LRTM3: variants seen among roughly 807,000 people sequenced by gnomAD.
LRTM3 encodes leucine rich repeat transmembrane protein 3.
At chr13:102,741,711 G>C in the LRTM3 span, 11 of 1,550,310 alleles carry the variant, frequency 7.1e-6, no homozygotes, top group South Asian at 9.5e-5. Context: ...TTTGAGTTTA[G>C]TGGAATATCT....
chr13:102,741,904 T>C, the LRTM3 span: 51 of 1,550,380 alleles, frequency 3.3e-5, no homozygotes, highest in Non-Finnish European at 4.1e-5. Context: ...CAATATAGTA[T>C]TGGGATATGT....
chr13:102,736,408 TG>T, the LRTM3 span: 1 of 1,551,166 alleles, frequency 6.4e-7, no homozygotes, highest in Non-Finnish European at 8.7e-7. Flanking sequence ...GCATGGATAC[TG>T]TTTGTACTCT....
the LRTM3 span, chr13:102,741,822 C>T: frequency 6.5e-7 from 1 of 1,547,450 alleles, no homozygotes. Flanking sequence ...AATTCAAGTT[C>T]TTCATCTGTT....
the LRTM3 span, chr13:102,735,190 G>T: frequency 6.4e-7 from 1 of 1,551,292 alleles, no homozygotes; most frequent in Non-Finnish European, 8.7e-7. Context: ...GCGTATGTAA[G>T]ACAGGCGATT....
the LRTM3 span, among the ~76,000 whole-genome samples, chr13:102,755,279 T>TC: frequency 0.19 from 27,992 of 150,048 alleles, 2,673 homozygotes; most frequent in South Asian, 0.2. Flanking sequence ...CCACTCCATC[T>TC]CTAATGCAGT....
the LRTM3 span, chr13:102,738,454 A>G: frequency 6.4e-7 from 1 of 1,550,772 alleles, no homozygotes. Flanking sequence ...TCAGAAGCAC[A>G]CTTGGTTCAC....
the LRTM3 span, chr13:102,732,593 A>G: frequency 3.2e-5 from 50 of 1,551,062 alleles, no homozygotes; most frequent in Non-Finnish European, 4.4e-5. Flanking sequence ...CTGCTTTTGC[A>G]TGATTAGGCG....
chr13:102,747,148 G>T, the LRTM3 span: 1 of 1,550,820 alleles, frequency 6.4e-7, no homozygotes, highest in Non-Finnish European at 8.7e-7. Flanking sequence ...CCTCATTAAT[G>T]AAATATGGAT....
At chr13:102,730,609 T>C in the LRTM3 span, 1 of 1,551,842 alleles carries the variant, frequency 6.4e-7, no homozygotes, top group East Asian at 2.4e-5. Context: ...ACACAAGGGT[T>C]GGCTGTGGGA....
At chr13:102,733,352 T>C in the LRTM3 span, 2 of 1,551,382 alleles carry the variant, frequency 1.3e-6, no homozygotes, top group Non-Finnish European at 1.7e-6. Flanking sequence ...TTCCTTTGGC[T>C]TATCAAATTT....
At chr13:102,737,846 G>A in the LRTM3 span, 1 of 1,550,336 alleles carries the variant, frequency 6.5e-7, no homozygotes, top group African/African-American at 1.4e-5. Flanking sequence ...TTCTATTCTT[G>A]TGTCCAATAT....
the LRTM3 span, chr13:102,738,875 T>G: frequency 1.3e-6 from 2 of 1,550,734 alleles, no homozygotes; most frequent in Non-Finnish European, 1.7e-6. Flanking sequence ...TGAAGGCTGC[T>G]TCACCTCCAA....
chr13:102,746,540 C>T, the LRTM3 span: 3 of 1,551,006 alleles, frequency 1.9e-6, no homozygotes, highest in Non-Finnish European at 2.6e-6. Flanking sequence ...TGATTTCTTT[C>T]TGTGGCTTGT....
the LRTM3 span, chr13:102,743,452 T>C: frequency 6.4e-7 from 1 of 1,550,474 alleles, no homozygotes; most frequent in Non-Finnish European, 8.7e-7. Flanking sequence ...TCTTCCTATG[T>C]TTTGTAGTAA....
At chr13:102,730,144 G>T in the LRTM3 span, 1 of 1,549,816 alleles carries the variant, frequency 6.5e-7, no homozygotes, top group Non-Finnish European at 8.7e-7. Context: ...TAATAATTAA[G>T]GTTTCCTTTC....
the LRTM3 span, chr13:102,750,154 C>A: frequency 4.5e-6 from 7 of 1,551,066 alleles, no homozygotes; most frequent in Middle Eastern, 1.7e-4. Context: ...TGTCTGGATG[C>A]TCTGTATGGC....
chr13:102,742,997 TC>T, the LRTM3 span: 1 of 1,542,344 alleles, frequency 6.5e-7, no homozygotes, highest in Non-Finnish European at 8.7e-7. Flanking sequence ...TACATTTTTT[TC>T]TGAATTCCCT....
At chr13:102,757,845 A>G in the LRTM3 span, among the ~76,000 whole-genome samples, 2 of 152,210 alleles carry the variant, frequency 1.3e-5, no homozygotes, top group African/African-American at 4.8e-5. Flanking sequence ...CAGAGACTAT[A>G]TTATGGTTTG....
the LRTM3 span, chr13:102,743,563 T>A: frequency 6.5e-7 from 1 of 1,549,838 alleles, no homozygotes; most frequent in Non-Finnish European, 8.7e-7. Flanking sequence ...ATAACTGTAT[T>A]GTGTTTATCT....
Sources: gnomAD v4.1 joint callset for allele counts (sites outside exome capture counted in the v4.1 genomes callset) on GRCh38, gnomAD v4.1.1 for gene constraint, MANE v1.5 for transcripts, NCBI Gene and HGNC (gene_info 2026-07-23, HGNC 2026-07-21) for gene names.